Variants in GATA6 observed in about 807,000 individuals in gnomAD.
GATA6 encodes the protein GATA binding protein 6, also known as transcription factor GATA-6.
GATA6 carries 11 observed loss-of-function variants against 48.1 expected under a neutral mutation model. The observed-to-expected ratio is 0.23, with a 90% CI of 0.14 to 0.38. The LOEUF is 0.38. GATA6 is among the 10% of genes least tolerant of loss of function. The pLI, the probability that GATA6 is intolerant of heterozygous loss-of-function variation, is 1.00. For missense variants in GATA6, 795 were observed against 850.3 expected, an observed-to-expected ratio of 0.93 and a Z score of 0.81; for synonymous variants, 419 against 396.1, an observed-to-expected ratio of 1.06 and a Z score of -0.69.
intron 6 of GATA6, among the ~76,000 whole-genome samples, chr18:22,192,415 A>G (rs760689641): frequency 1.2e-4 from 19 of 152,318 alleles, no homozygotes; most frequent in South Asian, 2.1e-4. Context: ...TAAGATCCTC[A>G]CTTTCTTAAT....
In GATA6 at chr18:22,200,758, G is replaced by C. The variant is rs149569288; in HGVS notation, c.1723G>C (p.Ala575Pro). ...TGGGCTCTACATAGGCGTCAGTCTCGCCTCGCCGGCCGAAGTCACGTCCTC... is the reference window on the plus strand; with the variant it reads ...TGGGCTCTACATAGGCGTCAGTCTCCCCTCGCCGGCCGAAGTCACGTCCTC... Reference protein sequence around the residue: ...QDGLYIGVSLASPAEVTSSVR... With the variant: ...QDGLYIGVSLPSPAEVTSSVR... Residue 575 changes from alanine to proline, a missense_variant, in exon 7 of 7, where the codon GCC becomes CCC. Ala to Pro is a conservative substitution (Grantham distance 27). This residue lies in a region of GATA6 where 103 missense variants were observed against 103.7 expected (regional missense o/e 0.99). Coordinates refer to ENST00000269216, the MANE Select transcript of GATA6 (RefSeq NM_005257.6). 6.7e-4 allele frequency: 1,075 copies of C among 1,613,836 alleles called. No individual in the cohort carries two copies. The highest frequency in any genetic ancestry group is 8.8e-4 in the Non-Finnish European group (1,038 of 1,180,036).
chr18:22,181,009 T>G (rs1368443008), intron 3 of GATA6, among the ~76,000 whole-genome samples: 1 of 152,138 alleles, frequency 6.6e-6, no homozygotes. Flanking sequence ...TTACTTCTGG[T>G]GTGTTTTGAG....
chr18:22,178,112 C>G (rs2033149821), intron 3 of GATA6, among the ~76,000 whole-genome samples: 2 of 151,852 alleles, frequency 1.3e-5, no homozygotes, highest in South Asian at 4.2e-4. Context: ...CAGGCATGTG[C>G]CACCACGCCC....
At chr18:22,197,689 C>T (rs926857355) in intron 6 of GATA6, among the ~76,000 whole-genome samples, 2 of 152,186 alleles carry the variant, frequency 1.3e-5, no homozygotes, top group Admixed American at 1.3e-4. Context: ...GCAACCATCC[C>T]TGAGGTGGGA....
rs553524042 is a variant in GATA6 at position 22,177,888 on chromosome 18, G to T, written c.1302+767G>T. Among the ~76,000 whole-genome samples the T allele has an allele frequency of 1.0e-4, 15 of 149,410 alleles. 1 individual carries two copies. In the South Asian group the frequency reaches 2.8e-3, roughly 27 times the overall value. ...AGAACTTTGTAGAACTTGAGTAAAA[G>T]TGTGGTTTGTATGTTCTTAAGTTGA... On this transcript the variant is annotated intron_variant, in intron 3 of 6. Coordinates refer to ENST00000269216, the MANE Select transcript of GATA6 (RefSeq NM_005257.6).
At chr18:22,194,743 TTCTCAGTAGGCA>T (rs2033370123) in intron 6 of GATA6, among the ~76,000 whole-genome samples, 1 of 145,344 alleles carries the variant, frequency 6.9e-6, no homozygotes, top group African/African-American at 2.5e-5. Context: ...ATCGTGTTGA[TTCTCAGTAGGCA>T]TCTCTTGACT....
At position 22,200,871 on chromosome 18, in the gene GATA6, C is replaced by T; in HGVS notation, c.*48C>T. On this transcript the variant is annotated 3_prime_UTR_variant, in exon 7 of 7. Transcript: ENST00000269216. ...GAGGGCTCCGCCGCGGGCCTCACTC[C>T]ACTCGTGTCTGCTTTTGTGCAGCGG... 6.4e-7 allele frequency: 1 copy of T among 1,560,618 alleles called. No homozygotes were observed. Among genetic ancestry groups the T allele is most frequent in the Non-Finnish European group, 8.7e-7 (1 of 1,149,766 alleles).
rs1050276876 is a variant in GATA6 at position 22,201,411 on chromosome 18, G to C, written c.*588G>C. The C allele has an allele frequency of 6.5e-6, 1 of 153,784 alleles. No individual in the cohort carries two copies. The highest frequency in any genetic ancestry group is 2.1e-4 in the South Asian group (1 of 4,860). The allele number at this position is 153,784 out of a possible 1,614,324, so 9.5% of individuals were successfully genotyped here. ...TTGTGTGGCTGATCTGAAGTCAGTC[G>C]GAATTTGTAAACAGGGTAGCAAACA... On this transcript the variant is annotated 3_prime_UTR_variant, in exon 7 of 7. Transcript: ENST00000269216.
At chr18:22,174,011 G>A (rs1219384208) in intron 2 of GATA6, among the ~76,000 whole-genome samples, 1 of 152,202 alleles carries the variant, frequency 6.6e-6, no homozygotes, top group Non-Finnish European at 1.5e-5. Context: ...TGGGATCGGG[G>A]GACCCTGTTG....
rs777087132 is a variant in GATA6 at position 22,171,719 on chromosome 18, C to T, written c.575C>T (p.Thr192Ile). 6.7e-7 allele frequency: 1 copy of T among 1,491,620 alleles called. No individual in the cohort carries two copies. 92.4% of individuals were successfully genotyped at this position (1,491,620 alleles called of 1,614,324 possible). A position where few individuals can be genotyped will look rare whatever the true frequency, so the allele number is the denominator to read the frequency against. ...AASSPVYVPT[T>I]RVGSMLPGLP... ...AGCTCCCCGGTCTACGTGCCCACCA[C>T]CCGCGTGGGTTCCATGCTGCCCGGC... Residue 192 changes from threonine to isoleucine, a missense_variant, in exon 2 of 7, where the codon ACC (threonine) becomes ATC (isoleucine). Physicochemically the swap from Thr to Ile is moderately conservative, Grantham distance 89. Transcript: ENST00000269216. This position sits in a 1 kb window ranked among gnomAD's most constrained non-coding sequence, Gnocchi z 7.1.
In GATA6 at chr18:22,200,818, G is replaced by A; in HGVS notation, c.1783G>A (p.Ala595Thr). 6.2e-7 allele frequency: 1 copy of A among 1,609,014 alleles called. No individual in the cohort carries two copies. Reference protein sequence around the residue: ...RPDSWCALALA With the variant: ...RPDSWCALALT ...GGATTCCTGGTGCGCCCTGGCCCTGGCCTGAGCCCACGCCGCCAGGAGGCA... is the reference window on the plus strand; with the variant it reads ...GGATTCCTGGTGCGCCCTGGCCCTGACCTGAGCCCACGCCGCCAGGAGGCA... The change falls in exon 7 of 7, where the codon GCC becomes ACC. Residue 595 changes from alanine (A) to threonine (T), a missense_variant. Ala to Thr is a moderately conservative substitution (Grantham distance 58). Around this residue, in one of 5 missense-constraint regions of GATA6, gnomAD observed 103 missense variants for 103.7 expected, o/e 0.99. Coordinates refer to ENST00000269216, the MANE Select transcript of GATA6 (RefSeq NM_005257.6).
In GATA6 at chr18:22,172,177, C is replaced by G. The variant is rs1421162910; in HGVS notation, c.1033C>G (p.Leu345Val). 6.5e-7 allele frequency: 1 copy of G among 1,533,780 alleles called. No homozygotes were observed. The highest frequency in any genetic ancestry group is 2.0e-5 in the Admixed American group (1 of 50,926). Residue 345 changes from leucine (L) to valine (V), a missense_variant, in exon 2 of 7, where the codon CTG (leucine) becomes GTG (valine). Transcript: ENST00000269216. The surrounding 1 kb of genome is among the most constrained non-coding windows in gnomAD (Gnocchi z 5.2). The part of the protein sequence containing the change: ...SPYSPYVGAP[L>V]TPAWPAGPFE... ...CTACTCGCCCTACGTGGGGGCGCCA[C>G]TGACGCCTGCCTGGCCCGCCGGACC...
At chr18:22,195,034 T>C (rs2143332061) in intron 6 of GATA6, among the ~76,000 whole-genome samples, 1 of 152,118 alleles carries the variant, frequency 6.6e-6, no homozygotes, top group East Asian at 1.9e-4. Flanking sequence ...AGTGTAGTGG[T>C]GGGCGCCTGT....
Position 22,172,290 on chromosome 18 carries a change from C to T in GATA6, c.1135+11C>T, listed in dbSNP as rs1445457863. ...GGGGTCCCAGTGCAGGTAAGGGTCG[C>T]GCCTCAGGTTCGGGGTGCGGGTCCA... On this transcript the variant is annotated intron_variant, in intron 2 of 6. Transcript: ENST00000269216. This position sits in a 1 kb window ranked among gnomAD's most constrained non-coding sequence, Gnocchi z 5.2. The T allele has an allele frequency of 6.5e-7, 1 of 1,531,066 alleles. No homozygotes were observed. Among genetic ancestry groups the T allele is most frequent in the South Asian group, 1.2e-5 (1 of 83,808 alleles). The allele number at this position is 1,531,066 out of a possible 1,614,324, so 94.8% of individuals were successfully genotyped here. A position where few individuals can be genotyped will look rare whatever the true frequency, so the allele number is the denominator to read the frequency against.
chr18:22,185,539 T>G lies in GATA6; in HGVS notation c.1620+2496T>G, dbSNP rs561016238. On this transcript the variant is annotated intron_variant, in intron 6 of 6. Transcript: ENST00000269216. This position sits in a 1 kb window ranked among gnomAD's most constrained non-coding sequence, Gnocchi z 4.3. ...AGGGCAGGGGGTAGGGTTGCTGGCC[T>G]GCCTACCAACCTCCCCAGTTCCCCA... 1.6e-3 allele frequency among the ~76,000 whole-genome samples: 242 copies of G among 152,368 alleles called. 1 individual carries two copies. The highest frequency in any genetic ancestry group is 2.5e-3 in the Non-Finnish European group (168 of 68,034).
intron 6 of GATA6, among the ~76,000 whole-genome samples, chr18:22,194,720 C>G (rs2033369703): frequency 6.6e-6 from 1 of 151,286 alleles, no homozygotes; most frequent in Non-Finnish European, 1.5e-5. Context: ...CCCCCCCCTC[C>G]CAACACACAC....
At chr18:22,190,460 A>G (rs1306693181) in intron 6 of GATA6, among the ~76,000 whole-genome samples, 1 of 152,204 alleles carries the variant, frequency 6.6e-6, no homozygotes, top group Non-Finnish European at 1.5e-5. Flanking sequence ...ATGAATGTTT[A>G]TGAAGAAATT....
intron 2 of GATA6, among the ~76,000 whole-genome samples, chr18:22,173,027 A>G (rs958814073): frequency 2.0e-5 from 3 of 152,168 alleles, no homozygotes; most frequent in African/African-American, 7.2e-5. Context: ...GGGATCCTGG[A>G]GCTGGGGCAC....
chr18:22,171,804 C>T lies in GATA6; in HGVS notation c.660C>T (p.Gly220=), dbSNP rs1385756157. 44 of 1,296,416 alleles carry T rather than the reference C, an allele frequency of 3.4e-5. No homozygotes were observed. The East Asian group carries it at 1.0e-3, about 31-fold the overall frequency. The allele number at this position is 1,296,416 out of a possible 1,614,324, so 80.3% of individuals were successfully genotyped here. A position where few individuals can be genotyped will look rare whatever the true frequency, so the allele number is the denominator to read the frequency against. Residue 220 remains glycine, a synonymous_variant, in exon 2 of 7, where the codon GGC becomes GGT. Transcript: ENST00000269216. The surrounding 1 kb of genome is among the most constrained non-coding windows in gnomAD (Gnocchi z 7.1). ...CAGCCAACCACGCGGGCGGCGCGGG[C>T]GCGCACCCCGGCTGGCCTCAGGCCT... The part of the protein sequence containing the change: ...SGPANHAGGA[G]AHPGWPQASA...
Sources: allele counts gnomAD v4.1 joint callset (sites outside exome capture counted in the v4.1 genomes callset), GRCh38; gene constraint gnomAD v4.1.1; regional missense constraint gnomAD v4.1.1; non-coding constraint Gnocchi (gnomAD v3.1); transcripts MANE v1.5; gene names NCBI Gene and HGNC (gene_info 2026-07-23, HGNC 2026-07-21).